TEAD1: variants seen among roughly 807,000 people sequenced by gnomAD.
TEAD1 encodes the protein transcriptional enhancer factor TEF-1.
TEAD1 carries 9 observed loss-of-function variants against 54.9 expected under a neutral mutation model. The observed-to-expected ratio is 0.16, with a 90% CI of 0.10 to 0.29. The LOEUF is 0.29. Ranked by LOEUF, TEAD1 falls within the 10% of genes least tolerant of loss-of-function variation. The pLI, the probability that TEAD1 is intolerant of heterozygous loss-of-function variation, is 1.00. For synonymous variants in TEAD1, 200 were observed against 187.8 expected (o/e 1.07, Z -0.53); for missense variants, 387 against 535.9 (o/e 0.72, Z 2.74).
chr11:12,873,869 T>C (rs2134085865), intron 5 of TEAD1, among the ~76,000 whole-genome samples: 1 of 152,340 alleles, frequency 6.6e-6, no homozygotes, highest in Middle Eastern at 3.4e-3. Context: ...CTTAGGAAAG[T>C]ATTTTGTGTT....
intron 10 of TEAD1, 39 bp downstream of exon 10, chr11:12,902,152 T>C (rs1028244139): frequency 6.2e-7 from 1 of 1,613,146 alleles, no homozygotes; most frequent in Non-Finnish European, 8.5e-7. Flanking sequence ...GGTTTTTGTC[T>C]GAATGGTCAC....
intron 3 of TEAD1, among the ~76,000 whole-genome samples, chr11:12,826,531 T>TA (rs1184714108): frequency 9.2e-5 from 14 of 152,280 alleles, no homozygotes; most frequent in South Asian, 4.1e-4. Context: ...GTGAGAGTAA[T>TA]ATAACAATCA....
At chr11:12,840,243 C>T (rs186616822) in intron 3 of TEAD1, among the ~76,000 whole-genome samples, 4,280 of 64,594 alleles carry the variant, frequency 0.066, 249 homozygotes, top group Admixed American at 0.26. Context: ...CGAGACTCTG[C>T]CTCAAAAAAA....
intron 3 of TEAD1, among the ~76,000 whole-genome samples, chr11:12,854,072 C>T (rs1339231763): frequency 6.6e-6 from 1 of 152,200 alleles, no homozygotes; most frequent in Non-Finnish European, 1.5e-5. Flanking sequence ...CAGCCCCTGA[C>T]AACCCTGAAT....
chr11:12,782,653 T>C (rs1047484077), intron 3 of TEAD1, among the ~76,000 whole-genome samples: 1 of 152,228 alleles, frequency 6.6e-6, no homozygotes, highest in African/African-American at 2.4e-5. Flanking sequence ...ATAAAGGTAG[T>C]ATCAGTGTAT....
In TEAD1 at chr11:12,827,640, C is replaced by G. The variant is rs114687052; in HGVS notation, c.203-34610C>G. 5.8e-3 allele frequency among the ~76,000 whole-genome samples: 884 copies of G among 152,350 alleles called. 9 individuals are homozygous for G. Among genetic ancestry groups the G allele is most frequent in the African/African-American group, 0.02 (835 of 41,576 alleles). On this transcript the variant is annotated intron_variant, in intron 3 of 12. Coordinates refer to ENST00000527636, the MANE Select transcript of TEAD1 (RefSeq NM_021961.6). ...TGCTTTATGTTGCCTGTTTTGCAGA[C>G]TGTCAAACGCATCAGACACTTCCAG...
At chr11:12,889,817 G>A (rs188900484) in intron 9 of TEAD1, among the ~76,000 whole-genome samples, 1 of 152,076 alleles carries the variant, frequency 6.6e-6, no homozygotes, top group Admixed American at 6.6e-5. Flanking sequence ...GACCTCCCAG[G>A]CTCAAGGGAT....
intron 10 of TEAD1, among the ~76,000 whole-genome samples, chr11:12,919,280 T>A (rs758091434): frequency 1.6e-4 from 25 of 152,032 alleles, no homozygotes; most frequent in Admixed American, 9.2e-4. Flanking sequence ...GTTTGGGGAG[T>A]TCTAAGAGAT....
At chr11:12,905,216 G>C (rs1159375142) in intron 10 of TEAD1, among the ~76,000 whole-genome samples, 2 of 152,146 alleles carry the variant, frequency 1.3e-5, no homozygotes, top group Admixed American at 1.3e-4. Context: ...CTCCAAAATT[G>C]CCCTTATTTT....
intron 1 of TEAD1, among the ~76,000 whole-genome samples, chr11:12,675,116 C>G (rs1469256628): frequency 6.8e-6 from 1 of 147,750 alleles, no homozygotes; most frequent in Non-Finnish European, 1.5e-5. Context: ...GGCCGCGCCG[C>G]GCCCCCCGCG....
chr11:12,706,327 G>C (rs1943813761), intron 2 of TEAD1, among the ~76,000 whole-genome samples: 1 of 152,116 alleles, frequency 6.6e-6, no homozygotes, highest in Non-Finnish European at 1.5e-5. Flanking sequence ...ACTTCTTCAG[G>C]TTTCTGGGTT....
At chr11:12,731,949 AT>A (rs1290984880) in intron 2 of TEAD1, among the ~76,000 whole-genome samples, 2 of 152,106 alleles carry the variant, frequency 1.3e-5, no homozygotes, top group East Asian at 3.8e-4. Flanking sequence ...TGAATGCCAC[AT>A]TTCTAATCAG....
chr11:12,880,937 C>A, intron 6 of TEAD1, 68 bp from the exon 7 acceptor site: 2 of 1,560,586 alleles, frequency 1.3e-6, no homozygotes, highest in East Asian at 2.2e-5. Flanking sequence ...GGTTGTGATG[C>A]GTAGGCATCC....
chr11:12,768,695 C>T (rs1413291914), intron 3 of TEAD1, among the ~76,000 whole-genome samples: 2 of 152,222 alleles, frequency 1.3e-5, no homozygotes, highest in Non-Finnish European at 2.9e-5. Context: ...TGAGCCCCAG[C>T]GCAGCTGTAT....
At chr11:12,694,051 T>G (rs987184685) in intron 2 of TEAD1, among the ~76,000 whole-genome samples, 4 of 152,226 alleles carry the variant, frequency 2.6e-5, no homozygotes, top group African/African-American at 9.6e-5. Flanking sequence ...TCAGGCTGCG[T>G]TGGCACACCC....
intron 3 of TEAD1, among the ~76,000 whole-genome samples, chr11:12,847,157 G>C (rs1947172978): frequency 1.3e-5 from 2 of 152,178 alleles, no homozygotes; most frequent in Non-Finnish European, 2.9e-5. Context: ...CATGAGCCAT[G>C]ATGTCATATA....
intron 3 of TEAD1, among the ~76,000 whole-genome samples, chr11:12,851,818 A>G (rs1286147575): frequency 6.6e-6 from 1 of 151,864 alleles, no homozygotes; most frequent in Non-Finnish European, 1.5e-5. Flanking sequence ...AAAAAAAACT[A>G]TTTATTGAGC....
At chr11:12,687,888 C>T (rs375405059) in intron 2 of TEAD1, among the ~76,000 whole-genome samples, 15 of 152,220 alleles carry the variant, frequency 9.9e-5, no homozygotes, top group East Asian at 3.9e-4. Flanking sequence ...AGGACTCCTC[C>T]GGGCCAGGCT....
At chr11:12,863,309 GT>G (rs1947546578) in intron 4 of TEAD1, among the ~76,000 whole-genome samples, 1 of 152,176 alleles carries the variant, frequency 6.6e-6, no homozygotes, top group Non-Finnish European at 1.5e-5. Context: ...ACAAAGAGAG[GT>G]GGCCTCCTGC....
Sources: allele counts gnomAD v4.1 joint callset (sites outside exome capture counted in the v4.1 genomes callset), GRCh38; gene constraint gnomAD v4.1.1; transcripts MANE v1.5; gene names NCBI Gene and HGNC (gene_info 2026-07-23, HGNC 2026-07-21).